The following ACMSD variants were observed in gnomAD, a reference collection of about 807,000 sequenced individuals.
ACMSD encodes the protein aminocarboxymuconate semialdehyde decarboxylase, also known as 2-amino-3-carboxymuconate-6-semialdehyde decarboxylase.
Under a neutral mutation model 45.9 loss-of-function variants are expected in ACMSD, and 37 were observed. The observed-to-expected ratio is 0.81, with a 90% CI of 0.62 to 1.06. ACMSD has a LOEUF of 1.06. ACMSD is among the 50% of genes least tolerant of loss of function. ACMSD has a pLI of 0.00. For synonymous variants in ACMSD, 138 were observed against 148.8 expected, an observed-to-expected ratio of 0.93 and a Z score of 0.53; for missense variants, 434 against 420.9, an observed-to-expected ratio of 1.03 and a Z score of -0.27.
chr2:134,901,597 A>AAAT (rs1284720097), intron 9 of ACMSD, among the ~76,000 whole-genome samples: 206 of 152,288 alleles, frequency 1.4e-3, no homozygotes, highest in Non-Finnish European at 2.2e-3. Context: ...CTCTCCCCCT[A>AAAT]CAATCAAGTT....
intron 8 of ACMSD, among the ~76,000 whole-genome samples, chr2:134,887,115 T>C (rs1273288507): frequency 6.6e-6 from 1 of 152,238 alleles, no homozygotes; most frequent in African/African-American, 2.4e-5. Context: ...AGTTCTATCA[T>C]GTTTATGGAT....
At chr2:134,875,969 C>G (rs1012559034) in intron 8 of ACMSD, among the ~76,000 whole-genome samples, 3 of 152,228 alleles carry the variant, frequency 2.0e-5, no homozygotes, top group Admixed American at 2.0e-4. Context: ...AGGCTACAAA[C>G]CTGTACATGT....
intron 6 of ACMSD, 104 bp downstream of exon 6, chr2:134,867,776 A>T (rs1573657298): frequency 2.3e-6 from 2 of 861,534 alleles, no homozygotes; most frequent in South Asian, 3.5e-5. Flanking sequence ...AATAATTAAC[A>T]GGATTATGAG....
At chr2:134,846,885 T>C (rs964433478) in intron 2 of ACMSD, among the ~76,000 whole-genome samples, 4 of 152,090 alleles carry the variant, frequency 2.6e-5, no homozygotes, top group African/African-American at 4.8e-5. Context: ...AAAGCAGCGA[T>C]GTGATAGAGA....
chr2:134,885,297 A>T (rs1158952167), intron 8 of ACMSD, among the ~76,000 whole-genome samples: 4 of 88,762 alleles, frequency 4.5e-5, no homozygotes, highest in African/African-American at 1.9e-4. Flanking sequence ...ATATTTATAT[A>T]TATATTTAAA....
intron 1 of ACMSD, among the ~76,000 whole-genome samples, chr2:134,841,656 T>C (rs529967320): frequency 6.6e-6 from 1 of 152,310 alleles, no homozygotes; most frequent in Admixed American, 6.5e-5. Flanking sequence ...TTCAGGTTGA[T>C]CTGCAATGGA....
intron 1 of ACMSD, among the ~76,000 whole-genome samples, chr2:134,841,500 T>C (rs917300466): frequency 2.0e-5 from 3 of 152,066 alleles, no homozygotes; most frequent in African/African-American, 7.3e-5. Context: ...GAGTTACAAG[T>C]AGGGTTCTTG....
At chr2:134,860,304 G>A (rs185994541) in intron 3 of ACMSD, among the ~76,000 whole-genome samples, 24 of 152,258 alleles carry the variant, frequency 1.6e-4, no homozygotes, top group Admixed American at 3.9e-4. Context: ...TCTAAAGTAT[G>A]ACATGATGGC....
At chr2:134,894,103 A>G (rs1328571225) in intron 8 of ACMSD, among the ~76,000 whole-genome samples, 3 of 152,134 alleles carry the variant, frequency 2.0e-5, no homozygotes, top group African/African-American at 7.2e-5. Context: ...AAGCAGAAAA[A>G]TATATATAAA....
At chr2:134,901,021 G>A (rs1690469163) in intron 9 of ACMSD, among the ~76,000 whole-genome samples, 1 of 152,154 alleles carries the variant, frequency 6.6e-6, no homozygotes, top group Non-Finnish European at 1.5e-5. Context: ...ATGTATTGGG[G>A]AAGAACCCTG....
chr2:134,841,274 C>T (rs1221029338), intron 1 of ACMSD, among the ~76,000 whole-genome samples: 2 of 152,118 alleles, frequency 1.3e-5, no homozygotes, highest in African/African-American at 4.8e-5. Context: ...CTATGAGAGG[C>T]CACCGTGGTC....
At chr2:134,863,292 G>A in intron 4 of ACMSD, 103 bp from the exon 5 acceptor site, 1 of 1,210,992 alleles carries the variant, frequency 8.3e-7, no homozygotes, top group Non-Finnish European at 1.2e-6. Flanking sequence ...TAAAGCCACT[G>A]AAAATGACAA....
At chr2:134,843,729 T>C (rs1475715013) in intron 1 of ACMSD, among the ~76,000 whole-genome samples, 4 of 152,222 alleles carry the variant, frequency 2.6e-5, no homozygotes, top group Non-Finnish European at 4.4e-5. Context: ...AGCTCCCTCA[T>C]GTAGCTATCT....
chr2:134,850,198 CTTCT>C (rs1207555898), intron 2 of ACMSD, among the ~76,000 whole-genome samples: 1 of 150,648 alleles, frequency 6.6e-6, no homozygotes, highest in African/African-American at 2.4e-5. Flanking sequence ...TTTCATGAAT[CTTCT>C]TTCTCAGTTT....
chr2:134,870,875 T>C, intron 6 of ACMSD, 90 bp from the exon 7 acceptor site: 1 of 1,119,834 alleles, frequency 8.9e-7, no homozygotes, highest in East Asian at 2.4e-5. Context: ...TCAAGTTTCT[T>C]TGCACTGACA....
intron 9 of ACMSD, among the ~76,000 whole-genome samples, chr2:134,898,706 G>A (rs1212053821): frequency 6.6e-6 from 1 of 152,102 alleles, no homozygotes; most frequent in Non-Finnish European, 1.5e-5. Context: ...ATGCCTGCAT[G>A]TTAGATAGAT....
At chr2:134,882,455 T>C (rs1689093121) in intron 8 of ACMSD, among the ~76,000 whole-genome samples, 1 of 152,212 alleles carries the variant, frequency 6.6e-6, no homozygotes, top group Non-Finnish European at 1.5e-5. Flanking sequence ...GTTAACATAA[T>C]ACTATGCCAA....
intron 8 of ACMSD, among the ~76,000 whole-genome samples, chr2:134,883,650 T>C (rs141860982): frequency 1.3e-5 from 2 of 152,164 alleles, no homozygotes; most frequent in Non-Finnish European, 1.5e-5. Flanking sequence ...ACAGGTACCA[T>C]GGCTGGCTAA....
chr2:134,888,843 C>T (rs1689612228), intron 8 of ACMSD, among the ~76,000 whole-genome samples: 2 of 151,778 alleles, frequency 1.3e-5, no homozygotes, highest in South Asian at 4.1e-4. Flanking sequence ...AGTGGGAGAA[C>T]TGAGAGGAGA....
Sources: allele counts gnomAD v4.1 joint callset (sites outside exome capture counted in the v4.1 genomes callset), GRCh38; gene constraint gnomAD v4.1.1; transcripts MANE v1.5; gene names NCBI Gene and HGNC (gene_info 2026-07-23, HGNC 2026-07-21).